Variants in GRM5 observed in about 807,000 individuals in gnomAD.
The protein encoded by GRM5 is glutamate metabotropic receptor 5.
Under a neutral mutation model 83.1 loss-of-function variants are expected in GRM5, and 19 were observed. The observed-to-expected ratio is 0.23, with a 90% CI of 0.16 to 0.34. The LOEUF (loss-of-function observed/expected upper bound fraction) is 0.34. Ranked by LOEUF, GRM5 falls within the 10% of genes least tolerant of loss-of-function variation. The pLI, the probability that GRM5 is intolerant of heterozygous loss-of-function variation, is 1.00. For synonymous variants in GRM5, 675 were observed against 633.6 expected (o/e 1.07, Z -0.98); for missense variants, 1,160 against 1,588.3 (o/e 0.73, Z 4.58).
chr11:88,766,057 T>G (rs903685236), intron 3 of GRM5, among the ~76,000 whole-genome samples: 2 of 151,620 alleles, frequency 1.3e-5, no homozygotes, highest in African/African-American at 4.8e-5. Flanking sequence ...AGAAGGTATC[T>G]GAATGGTCCA....
chr11:88,618,963 T>C (rs1329842425), intron 4 of GRM5, among the ~76,000 whole-genome samples: 2 of 152,192 alleles, frequency 1.3e-5, no homozygotes, highest in African/African-American at 4.8e-5. Context: ...AGAGAGGAAA[T>C]GGAAGCAGGA....
chr11:88,546,005 G>A (rs1942379476), intron 8 of GRM5, among the ~76,000 whole-genome samples: 1 of 151,814 alleles, frequency 6.6e-6, no homozygotes, highest in African/African-American at 2.4e-5. Flanking sequence ...AATCACAATG[G>A]AGTTTTTGCT....
At chr11:89,061,210 G>A (rs1941985357) in intron 1 of GRM5, among the ~76,000 whole-genome samples, 1 of 152,036 alleles carries the variant, frequency 6.6e-6, no homozygotes, top group South Asian at 2.1e-4. Context: ...AATACAATAA[G>A]AATGTGTAAG....
chr11:88,826,578 C>T (rs1321392661), intron 3 of GRM5, among the ~76,000 whole-genome samples: 3 of 151,934 alleles, frequency 2.0e-5, no homozygotes, highest in African/African-American at 4.8e-5. Context: ...AACTGATGTC[C>T]GTTTTCCACC....
At chr11:88,885,059 A>AT (rs66542624) in intron 2 of GRM5, among the ~76,000 whole-genome samples, 2 of 152,176 alleles carry the variant, frequency 1.3e-5, no homozygotes, top group African/African-American at 2.4e-5. Flanking sequence ...AAAAGAAGCC[A>AT]TTTTTTAAAA....
At chr11:88,987,167 C>T (rs1306410295) in intron 2 of GRM5, among the ~76,000 whole-genome samples, 7 of 151,960 alleles carry the variant, frequency 4.6e-5, no homozygotes, top group Non-Finnish European at 7.4e-5. Flanking sequence ...GTGCACAAGC[C>T]GAAGCAGGGT....
intron 2 of GRM5, among the ~76,000 whole-genome samples, chr11:88,953,477 C>T (rs1343275956): frequency 8.5e-5 from 13 of 152,094 alleles, no homozygotes; most frequent in South Asian, 2.1e-4. Context: ...AGAAGGTACA[C>T]GAAGCAGAAA....
chr11:89,052,360 G>C (rs1481126181), intron 1 of GRM5, among the ~76,000 whole-genome samples: 1 of 152,140 alleles, frequency 6.6e-6, no homozygotes, highest in Non-Finnish European at 1.5e-5. Flanking sequence ...GGAAAAGCCA[G>C]CTATGAAAAG....
At chr11:88,665,327 G>A (rs1461707423) in intron 3 of GRM5, among the ~76,000 whole-genome samples, 3 of 151,904 alleles carry the variant, frequency 2.0e-5, no homozygotes, top group Admixed American at 6.6e-5. Flanking sequence ...GTTAGTAAGA[G>A]TCTCTCTAAT....
At chr11:89,016,275 T>C (rs1488264533) in intron 2 of GRM5, among the ~76,000 whole-genome samples, 1 of 149,858 alleles carries the variant, frequency 6.7e-6, no homozygotes. Context: ...ACATATATAA[T>C]ATATATTCAT....
At chr11:88,730,891 A>T (rs1335944930) in intron 3 of GRM5, among the ~76,000 whole-genome samples, 3 of 152,156 alleles carry the variant, frequency 2.0e-5, no homozygotes, top group African/African-American at 7.2e-5. Flanking sequence ...TAGGGGAGGG[A>T]TAGCATTAGG....
chr11:88,605,385 C>T (rs534329689), intron 4 of GRM5, among the ~76,000 whole-genome samples: 4 of 151,266 alleles, frequency 2.6e-5, no homozygotes, highest in East Asian at 3.9e-4. Flanking sequence ...TCTTACCTGG[C>T]GATACTAGAT....
At position 88,648,836 on chromosome 11, in the gene GRM5, A is replaced by G. The variant is rs551355540; in HGVS notation, c.1147+4332T>C. 7.0e-4 allele frequency among the ~76,000 whole-genome samples: 106 copies of G among 151,796 alleles called. No individual in the cohort carries two copies. In the Middle Eastern group the frequency reaches 0.014, roughly 19 times the overall value. On this transcript the variant is annotated intron_variant, in intron 4 of 9. Transcript: ENST00000305447. ...GAAAAGACTACACAGAGAATAAGTC[A>G]TATGTGTGACATGGTAAAATGGCTT...
In GRM5 at chr11:88,625,116, C is replaced by T. The variant is rs148898582; in HGVS notation, c.1148-20152G>A. On this transcript the variant is annotated intron_variant, in intron 4 of 9. Transcript: ENST00000305447. Reference sequence around the variant, plus strand: ...AAATTTTACATCAAGGGGACCTATTCCTCAGCCTCAGATGCACATCTTACA... The same window carrying T: ...AAATTTTACATCAAGGGGACCTATTTCTCAGCCTCAGATGCACATCTTACA... 3.5e-4 allele frequency among the ~76,000 whole-genome samples: 53 copies of T among 152,182 alleles called. No individual in the cohort carries two copies. In the East Asian group the frequency reaches 0.01, roughly 29 times the overall value.
chr11:89,029,594 C>G (rs908233579), intron 2 of GRM5, among the ~76,000 whole-genome samples: 1 of 152,110 alleles, frequency 6.6e-6, no homozygotes, highest in African/African-American at 2.4e-5. Flanking sequence ...AAAATTTAAG[C>G]GTTGAGTTTA....
Position 89,011,725 on chromosome 11 carries a change from A to G in GRM5, c.661+35487T>C, listed in dbSNP as rs1940705819. Among the ~76,000 whole-genome samples, 2 of 152,178 alleles carry G rather than the reference A, an allele frequency of 1.3e-5. 1 individual carries two copies. Among genetic ancestry groups the G allele is most frequent in the Admixed American group, 1.3e-4 (2 of 15,274 alleles). ...GCAGCCTACAGCATCTTGACCATTA[A>G]ATGAATTGATTATTAGGGGCCAGAC... On this transcript the variant is annotated intron_variant, in intron 2 of 9. Transcript: ENST00000305447.
chr11:88,797,850 C>T (rs1943311091), intron 3 of GRM5, among the ~76,000 whole-genome samples: 1 of 151,024 alleles, frequency 6.6e-6, no homozygotes, highest in Admixed American at 6.6e-5. Context: ...CATTATGGAT[C>T]TTGATCTCTT....
At chr11:88,637,423 T>C (rs1440381226) in intron 4 of GRM5, among the ~76,000 whole-genome samples, 1 of 151,832 alleles carries the variant, frequency 6.6e-6, no homozygotes, top group Non-Finnish European at 1.5e-5. Context: ...AGGGCTAATA[T>C]CCAGAATCTA....
At chr11:88,776,388 T>C (rs1477634560) in intron 3 of GRM5, among the ~76,000 whole-genome samples, 3 of 152,176 alleles carry the variant, frequency 2.0e-5, no homozygotes, top group African/African-American at 7.2e-5. Context: ...CTTGACTCTA[T>C]CCAATTTGAC....
Sources: allele counts gnomAD v4.1 joint callset (sites outside exome capture counted in the v4.1 genomes callset), GRCh38; gene constraint gnomAD v4.1.1; transcripts MANE v1.5; gene names NCBI Gene and HGNC (gene_info 2026-07-23, HGNC 2026-07-21).